Variants in PCDHGA2 observed in about 807,000 individuals in gnomAD.
PCDHGA2 encodes the protein protocadherin gamma-A2.
A neutral mutation model predicts 59.2 loss-of-function variants in PCDHGA2; 40 were observed. That is an observed-to-expected ratio of 0.68 (90% confidence interval 0.52 to 0.88). The LOEUF is 0.88. Ranked by LOEUF, PCDHGA2 falls within the 40% of genes least tolerant of loss-of-function variation. PCDHGA2 has a pLI of 0.00. For synonymous variants in PCDHGA2, 560 were observed against 526.0 expected, an observed-to-expected ratio of 1.06 and a Z score of -0.89; for missense variants, 1,226 against 1,204.0, an observed-to-expected ratio of 1.02 and a Z score of -0.27.
At chr5:141,357,095 T>A in intron 1 of PCDHGA2, 1 of 1,613,868 alleles carries the variant, frequency 6.2e-7, no homozygotes, top group African/African-American at 1.3e-5. Context: ...GCACGGGCCC[T>A]GCTGGACAGA....
chr5:141,469,476 G>A (rs2154570344), intron 1 of PCDHGA2, among the ~76,000 whole-genome samples: 1 of 152,246 alleles, frequency 6.6e-6, no homozygotes, highest in South Asian at 2.1e-4. Context: ...TCGGGAGGCT[G>A]AGGCAGGAGA....
At chr5:141,345,384 A>G in intron 1 of PCDHGA2, 2 of 1,613,884 alleles carry the variant, frequency 1.2e-6, no homozygotes, top group Non-Finnish European at 1.7e-6. Context: ...CAACCCACCC[A>G]CCTTCCCTCA....
intron 1 of PCDHGA2, chr5:141,428,404 T>A (rs375988962): frequency 2.3e-5 from 11 of 476,688 alleles, no homozygotes; most frequent in East Asian, 2.1e-4. Flanking sequence ...TGCCTGGGGT[T>A]GCTTTCACCC....
chr5:141,438,806 C>T (rs866521707), intron 1 of PCDHGA2, among the ~76,000 whole-genome samples: 20 of 149,390 alleles, frequency 1.3e-4, no homozygotes, highest in Admixed American at 6.7e-4. Flanking sequence ...GGATTACAGG[C>T]GCCTGTCACC....
At chr5:141,408,148 G>C in intron 1 of PCDHGA2, 2 of 1,504,962 alleles carry the variant, frequency 1.3e-6, no homozygotes, top group Non-Finnish European at 1.8e-6. Context: ...TAGCGCGGTA[G>C]AGTGCACTTT....
At chr5:141,418,987 A>T (rs1244429131) in intron 1 of PCDHGA2, 2 of 1,613,856 alleles carry the variant, frequency 1.2e-6, no homozygotes, top group Non-Finnish European at 1.7e-6. Flanking sequence ...ACCAAGACTC[A>T]GGGGAAAATG....
chr5:141,355,809 G>C, intron 1 of PCDHGA2: 1 of 1,613,206 alleles, frequency 6.2e-7, no homozygotes, highest in Non-Finnish European at 8.5e-7. Flanking sequence ...TAGATCGCGA[G>C]GAAGAGGCGG....
At chr5:141,463,412 A>G (rs1397215687) in intron 1 of PCDHGA2, among the ~76,000 whole-genome samples, 9 of 127,856 alleles carry the variant, frequency 7.0e-5, no homozygotes, top group Non-Finnish European at 1.5e-4. Flanking sequence ...TGGAGATCCT[A>G]GTTTGCGGAT....
chr5:141,466,989 G>C, intron 1 of PCDHGA2, among the ~76,000 whole-genome samples: 1 of 150,922 alleles, frequency 6.6e-6, no homozygotes. Context: ...TTTACCTTTT[G>C]GCATTTTTTT....
At chr5:141,345,955 G>A in intron 1 of PCDHGA2, 1 of 1,613,622 alleles carries the variant, frequency 6.2e-7, no homozygotes, top group East Asian at 2.2e-5. Flanking sequence ...CTCAAGCAGA[G>A]CCTCGTGGTG....
rs750919254 is a variant in PCDHGA2 at position 141,340,715 on chromosome 5, G to A, written c.1744G>A (p.Ala582Thr). 9.9e-6 allele frequency: 16 copies of A among 1,613,914 alleles called. No homozygotes were observed. The East Asian group carries it at 2.9e-4, about 29-fold the overall frequency. ...STGVELAPRS[A>T]EPGYLVTKVV... ...TGGCGTGGAGCTGGCGCCCCGCTCC[G>A]CAGAGCCCGGCTACCTGGTGACCAA... Residue 582 changes from alanine (A) to threonine (T), a missense_variant, in exon 1 of 4, where the codon GCA (alanine) becomes ACA (threonine). Physicochemically the swap from Ala to Thr is moderately conservative, Grantham distance 58. Coordinates refer to ENST00000394576, the MANE Select transcript of PCDHGA2 (RefSeq NM_018915.4).
At chr5:141,351,808 C>A in intron 1 of PCDHGA2, 1 of 1,613,306 alleles carries the variant, frequency 6.2e-7, no homozygotes, top group Non-Finnish European at 8.5e-7. Flanking sequence ...AGCGCGCCTT[C>A]GACCACGAGC....
intron 1 of PCDHGA2, chr5:141,355,282 G>A (rs1759783448): frequency 2.5e-6 from 4 of 1,613,774 alleles, no homozygotes; most frequent in Non-Finnish European, 3.4e-6. Flanking sequence ...GGAAATCAGG[G>A]CCGAACAGAT....
intron 1 of PCDHGA2, chr5:141,400,399 A>G: frequency 6.2e-7 from 1 of 1,614,054 alleles, no homozygotes; most frequent in Non-Finnish European, 8.5e-7. Context: ...TACAGGAAAG[A>G]CGGAGTTTAA....
In PCDHGA2 at chr5:141,432,997, G is replaced by T. The variant is rs778828769; in HGVS notation, c.2425-61810G>T. 17 of 1,614,082 alleles carry T rather than the reference G, an allele frequency of 1.1e-5. No homozygotes were observed. The highest frequency in any genetic ancestry group is 4.5e-5 in the East Asian group (2 of 44,864). ...CGCACTTTGTGGGCGTGGACGGGGT[G>T]CAGGCTTTCCTGCAGACCTATTCCC... On this transcript the variant is annotated intron_variant, in intron 1 of 3. Transcript: ENST00000394576. The surrounding 1 kb of genome is among the most constrained non-coding windows in gnomAD (Gnocchi z 6.0).
chr5:141,403,051 C>G (rs1273209859), intron 1 of PCDHGA2: 1 of 1,614,086 alleles, frequency 6.2e-7, no homozygotes, highest in African/African-American at 1.3e-5. Flanking sequence ...AGATTCGCTA[C>G]TCAGTGCCTG....
chr5:141,404,455 C>T, intron 1 of PCDHGA2: 1 of 1,611,994 alleles, frequency 6.2e-7, no homozygotes, highest in Non-Finnish European at 8.5e-7. Context: ...GGTCTCCTCT[C>T]TCCACCTATG....
intron 1 of PCDHGA2, chr5:141,419,059 T>C (rs574873856): frequency 1.6e-5 from 26 of 1,613,962 alleles, no homozygotes; most frequent in Non-Finnish European, 2.0e-5. Context: ...CTTCTAATAA[T>C]TACTACAAGC....
chr5:141,372,340 G>A lies in PCDHGA2; in HGVS notation c.2424+30945G>A, dbSNP rs754973851. 4 of 1,613,790 alleles carry A rather than the reference G, an allele frequency of 2.5e-6. No individual in the cohort carries two copies. In the South Asian group the frequency reaches 4.4e-5, roughly 18 times the overall value. On this transcript the variant is annotated intron_variant, in intron 1 of 3. Transcript: ENST00000394576. ...CGCCTGCTGGTCACTGTGCGTGATG[G>A]AGGACAGCAGCCTCTTTCAGCCACC...
Sources: allele counts gnomAD v4.1 joint callset (sites outside exome capture counted in the v4.1 genomes callset), GRCh38; gene constraint gnomAD v4.1.1; non-coding constraint Gnocchi (gnomAD v3.1); transcripts MANE v1.5; gene names NCBI Gene and HGNC (gene_info 2026-07-23, HGNC 2026-07-21).